Variants in CSMD1 observed in about 807,000 individuals in gnomAD.
CSMD1 encodes the protein CUB and sushi domain-containing protein 1.
In CSMD1, 213 loss-of-function variants were observed where a neutral mutation model predicts 417.5. That is an observed-to-expected ratio of 0.51 (90% CI 0.46 to 0.57). The LOEUF is 0.57. Ranked by LOEUF, CSMD1 falls within the 20% of genes least tolerant of loss-of-function variation. The pLI, the probability that CSMD1 is intolerant of heterozygous loss-of-function variation, is 0.00. For synonymous variants in CSMD1, 2,862 were observed against 1,736.8 expected, an observed-to-expected ratio of 1.65 and a Z score of -16.11; for missense variants, 6,923 against 4,529.7, an observed-to-expected ratio of 1.53 and a Z score of -15.17.
At position 2,962,524 on chromosome 8, in the gene CSMD1, G is replaced by A. The variant is rs780891425; in HGVS notation, c.9570C>T (p.Ser3190=). The A allele has an allele frequency of 2.5e-5, 41 of 1,613,788 alleles. No homozygotes were observed. The East Asian group carries it at 8.9e-4, about 35-fold the overall frequency. The change falls in exon 61 of 70, where the codon TCC becomes TCT. Residue 3190 remains serine (S), a synonymous_variant. Transcript: ENST00000635120. ...QCKSPFILVG[S]SRRVCQADGT... is the part of the protein sequence containing the mutation. ...CGTCAGCTTGGCAGACTCTTCTGGA[G>A]GATCCCACGAGTATAAATGGAGATT... is the stretch of plus-strand genomic sequence containing the variant.
intron 5 of CSMD1, among the ~76,000 whole-genome samples, chr8:3,927,903 A>G (rs992465523): frequency 6.6e-6 from 1 of 152,186 alleles, no homozygotes; most frequent in East Asian, 1.9e-4. Context: ...GGTTACCTAA[A>G]AAATCATTTT....
intron 5 of CSMD1, among the ~76,000 whole-genome samples, chr8:3,827,075 C>G (rs1440870541): frequency 1.3e-5 from 2 of 152,176 alleles, no homozygotes; most frequent in Non-Finnish European, 2.9e-5. Context: ...AGCCACCAAG[C>G]CAGCCTAGAA....
chr8:4,462,729 C>A (rs1563202182), intron 2 of CSMD1, among the ~76,000 whole-genome samples: 2 of 152,002 alleles, frequency 1.3e-5, no homozygotes, highest in East Asian at 1.9e-4. Context: ...CCAAAACAAT[C>A]AAGAAAAAAA....
intron 1 of CSMD1, among the ~76,000 whole-genome samples, chr8:4,754,102 G>C (rs916648625): frequency 5.3e-5 from 8 of 152,142 alleles, no homozygotes; most frequent in African/African-American, 1.7e-4. Context: ...AATATGAATC[G>C]TATGTTACAT....
chr8:4,562,573 T>C (rs1291329071), intron 2 of CSMD1, among the ~76,000 whole-genome samples: 1 of 152,166 alleles, frequency 6.6e-6, no homozygotes, highest in African/African-American at 2.4e-5. Flanking sequence ...AAAATGAGCA[T>C]ATCCTGACTA....
rs537457440 is a variant in CSMD1, at chr8:3,761,190, C to T, written c.819-7148G>A. Among the ~76,000 whole-genome samples, 346 of 151,964 alleles carry T rather than the reference C, an allele frequency of 2.3e-3. 2 individuals are homozygous for T. Among genetic ancestry groups the T allele is most frequent in the South Asian group, 0.018 (86 of 4,806 alleles). On this transcript the variant is annotated intron_variant, in intron 5 of 69. Coordinates refer to ENST00000635120, the MANE Select transcript of CSMD1 (RefSeq NM_033225.6). Reference sequence around the variant, plus strand: ...GTCTTATTTTGGACATTAGGAAAAGCGACAATGAACTCTCATATTGCAAGA... The same window carrying T: ...GTCTTATTTTGGACATTAGGAAAAGTGACAATGAACTCTCATATTGCAAGA...
intron 41 of CSMD1, among the ~76,000 whole-genome samples, chr8:3,135,703 G>C (rs1020082488): frequency 6.6e-6 from 1 of 152,132 alleles, no homozygotes; most frequent in Admixed American, 6.6e-5. Flanking sequence ...AGTGAAGTCT[G>C]CTGATCACAT....
At chr8:4,285,562 G>T (rs1296469566) in intron 3 of CSMD1, among the ~76,000 whole-genome samples, 1 of 152,186 alleles carries the variant, frequency 6.6e-6, no homozygotes, top group African/African-American at 2.4e-5. Context: ...ATGAGGGCAG[G>T]TTTCGCTAAT....
chr8:3,319,740 G>T, intron 23 of CSMD1, among the ~76,000 whole-genome samples: 1 of 151,984 alleles, frequency 6.6e-6, no homozygotes, highest in Non-Finnish European at 1.5e-5. Context: ...AAAAGTGTCA[G>T]AAGAACATTA....
chr8:4,033,121 T>C (rs1179701808), intron 3 of CSMD1, among the ~76,000 whole-genome samples: 3 of 134,386 alleles, frequency 2.2e-5, no homozygotes, highest in African/African-American at 8.7e-5. Flanking sequence ...TGCAATTAAT[T>C]TCCAATATGA....
At chr8:3,292,977 T>C (rs1172488322) in intron 25 of CSMD1, among the ~76,000 whole-genome samples, 1 of 152,160 alleles carries the variant, frequency 6.6e-6, no homozygotes, top group African/African-American at 2.4e-5. Flanking sequence ...GTTGTTCCTT[T>C]CCATGTTTAG....
At chr8:3,457,154 C>T (rs1487191513) in intron 12 of CSMD1, among the ~76,000 whole-genome samples, 2 of 145,846 alleles carry the variant, frequency 1.4e-5, no homozygotes, top group Admixed American at 6.9e-5. Flanking sequence ...CTGAACACCT[C>T]ATCCTGTACC....
intron 2 of CSMD1, among the ~76,000 whole-genome samples, chr8:4,592,615 G>C (rs1206994005): frequency 6.6e-6 from 1 of 152,044 alleles, no homozygotes; most frequent in Non-Finnish European, 1.5e-5. Context: ...TCAAACTCCT[G>C]ATCCCAAGTG....
intron 1 of CSMD1, among the ~76,000 whole-genome samples, chr8:4,828,383 T>G (rs1799953661): frequency 1.3e-5 from 2 of 152,144 alleles, no homozygotes; most frequent in Admixed American, 1.3e-4. Flanking sequence ...AAGACCACAA[T>G]GACTTTGCTG....
In CSMD1 at chr8:4,154,805, T is replaced by C. The variant is rs143892211; in HGVS notation, c.416-122706A>G. Reference sequence around the variant, plus strand: ...CAGAGAAAATAAGAGAAAGACTGAATGTTGGAAAGAGAGGCACGATTATAA... The same window carrying C: ...CAGAGAAAATAAGAGAAAGACTGAACGTTGGAAAGAGAGGCACGATTATAA... On this transcript the variant is annotated intron_variant, in intron 3 of 69. Coordinates refer to ENST00000635120, the MANE Select transcript of CSMD1 (RefSeq NM_033225.6). 1.7e-4 allele frequency among the ~76,000 whole-genome samples: 26 copies of C among 152,250 alleles called. No homozygotes were observed. The East Asian group carries it at 3.9e-3, about 23-fold the overall frequency.
intron 5 of CSMD1, among the ~76,000 whole-genome samples, chr8:3,838,933 T>C (rs1180968409): frequency 9.7e-6 from 1 of 103,042 alleles, no homozygotes; most frequent in Non-Finnish European, 1.8e-5. Flanking sequence ...TCTCTATTTA[T>C]ATATAATAAA....
chr8:3,159,597 ATTGTCAG>A (rs1219541629), intron 38 of CSMD1, among the ~76,000 whole-genome samples: 6 of 152,314 alleles, frequency 3.9e-5, no homozygotes, highest in African/African-American at 1.4e-4. Flanking sequence ...TGTTAGTAAA[ATTGTCAG>A]TTGTTAGCAA....
intron 3 of CSMD1, among the ~76,000 whole-genome samples, chr8:4,191,755 A>C (rs1264276793): frequency 1.3e-5 from 2 of 151,772 alleles, no homozygotes; most frequent in African/African-American, 4.8e-5. Flanking sequence ...AAAAAAAAAA[A>C]AAAAAAATGG....
intron 1 of CSMD1, among the ~76,000 whole-genome samples, chr8:4,812,237 G>A (rs544167185): frequency 3.0e-4 from 45 of 152,266 alleles, no homozygotes; most frequent in African/African-American, 1.0e-3. Flanking sequence ...ACAACCAGTC[G>A]AAGTCTGTAT....
Sources: allele counts gnomAD v4.1 joint callset (sites outside exome capture counted in the v4.1 genomes callset), GRCh38; gene constraint gnomAD v4.1.1; transcripts MANE v1.5; gene names NCBI Gene and HGNC (gene_info 2026-07-23, HGNC 2026-07-21).